Variants in KCNA6 observed in about 807,000 individuals in gnomAD.
KCNA6 encodes the protein potassium voltage-gated channel subfamily A member 6, also known as human brain potassium channel-2.
A neutral mutation model predicts 29.5 loss-of-function variants in KCNA6; 17 were observed. The ratio of observed to expected loss-of-function variants is 0.58; its 90% CI spans 0.39 to 0.86. The LOEUF is 0.86. KCNA6 is among the 40% of genes least tolerant of loss of function. KCNA6 has a pLI of 0.00. For synonymous variants in KCNA6, 296 were observed against 304.7 expected (o/e 0.97, Z 0.30); for missense variants, 450 against 703.4 (o/e 0.64, Z 4.07).
chr12:4,848,068 T>A, the KCNA6 span, among the ~76,000 whole-genome samples: 4 of 152,228 alleles, frequency 2.6e-5, no homozygotes, highest in East Asian at 7.7e-4. Context: ...CAGAGCCTTA[T>A]ATGGTGCCAG....
the KCNA6 span, among the ~76,000 whole-genome samples, chr12:4,850,147 G>C: frequency 1.3e-5 from 2 of 152,156 alleles, no homozygotes; most frequent in Non-Finnish European, 2.9e-5. This position sits in a 1 kb window ranked among gnomAD's most constrained non-coding sequence, Gnocchi z 5.4. Context: ...GGGTTCAGCC[G>C]GGCCTAGAGG....
the KCNA6 span, among the ~76,000 whole-genome samples, chr12:4,819,412 G>T: frequency 6.6e-6 from 1 of 152,188 alleles, no homozygotes; most frequent in African/African-American, 2.4e-5. Flanking sequence ...GGTCCTCACC[G>T]TCAGCATGCA....
the KCNA6 span, among the ~76,000 whole-genome samples, chr12:4,835,325 G>A: frequency 4.6e-5 from 7 of 151,828 alleles, no homozygotes; most frequent in East Asian, 1.9e-4. Flanking sequence ...TAGTAGAGAC[G>A]GGGTTTCACC....
the KCNA6 span, among the ~76,000 whole-genome samples, chr12:4,834,655 G>T: frequency 6.6e-6 from 1 of 152,136 alleles, no homozygotes; most frequent in Non-Finnish European, 1.5e-5. Context: ...AGGCAGCAAG[G>T]TACCACTTTA....
the KCNA6 span, among the ~76,000 whole-genome samples, chr12:4,830,113 T>C: frequency 6.6e-6 from 1 of 152,188 alleles, no homozygotes. Context: ...CTGCAGCCAC[T>C]CTTCCTGCTC....
chr12:4,836,105 A>ATTTT, the KCNA6 span, among the ~76,000 whole-genome samples: 12 of 137,298 alleles, frequency 8.7e-5, no homozygotes, highest in Admixed American at 3.0e-4. Flanking sequence ...ATGCCTGGCT[A>ATTTT]TTTTTTTTTT....
chr12:4,827,205 C>CTT, the KCNA6 span, among the ~76,000 whole-genome samples: 326 of 39,040 alleles, frequency 8.4e-3, 5 homozygotes, highest in African/African-American at 0.035. Flanking sequence ...TCCTTCCTTC[C>CTT]CTCCTTCCTT....
chr12:4,832,287 T>C, the KCNA6 span, among the ~76,000 whole-genome samples: 1 of 152,178 alleles, frequency 6.6e-6, no homozygotes, highest in African/African-American at 2.4e-5. Flanking sequence ...ACTTATTTTC[T>C]AGTCTTGTGA....
chr12:4,843,031 T>G, the KCNA6 span, among the ~76,000 whole-genome samples: 1 of 151,900 alleles, frequency 6.6e-6, no homozygotes, highest in Non-Finnish European at 1.5e-5. Context: ...CAATTGGAGG[T>G]GGTGGGATAG....
rs759052059 is a variant in KCNA6 at position 4,811,320 on chromosome 12, G to C, written c.1279G>C (p.Asp427His). 6.2e-7 allele frequency: 1 copy of C among 1,614,204 alleles called. No individual in the cohort carries two copies. Among genetic ancestry groups the C allele is most frequent in the Non-Finnish European group, 8.5e-7 (1 of 1,180,006 alleles). Residue 427 changes from aspartate (D) to histidine (H), a missense_variant, in exon 1 of 1, where the codon GAC becomes CAC. Asp to His is a moderately conservative substitution (Grantham distance 81, BLOSUM62 -1). This residue lies in a region of KCNA6 where 57 missense variants were observed against 140.3 expected (regional missense o/e 0.41). Coordinates refer to ENST00000280684, the Ensembl canonical transcript of KCNA6. This position sits in a 1 kb window ranked among gnomAD's most constrained non-coding sequence, Gnocchi z 7.1. Reference sequence around the variant, plus strand: ...TACAATGACCACGGTAGGTTACGGGGACATGTACCCCATGACTGTGGGGGG... The same window carrying C: ...TACAATGACCACGGTAGGTTACGGGCACATGTACCCCATGACTGTGGGGGG...
At chr12:4,849,489 CTT>C in the KCNA6 span, among the ~76,000 whole-genome samples, 553 of 101,396 alleles carry the variant, frequency 5.5e-3, 8 homozygotes, top group African/African-American at 9.5e-3. Context: ...GATTTTTGCT[CTT>C]TTTTTTTTTT....
At chr12:4,833,568 T>C in the KCNA6 span, among the ~76,000 whole-genome samples, 8 of 152,204 alleles carry the variant, frequency 5.3e-5, no homozygotes, top group African/African-American at 1.9e-4. Flanking sequence ...AGGTGGAGCA[T>C]TGGAAGCATT....
At chr12:4,850,771 T>C in the KCNA6 span, 1 of 453,444 alleles carries the variant, frequency 2.2e-6, no homozygotes, top group Admixed American at 2.4e-5. The surrounding 1 kb of genome is among the most constrained non-coding windows in gnomAD (Gnocchi z 5.4). Flanking sequence ...AGCAAGGACA[T>C]CTATGCATAG....
the KCNA6 span, among the ~76,000 whole-genome samples, chr12:4,835,880 A>G: frequency 1.3e-5 from 2 of 152,062 alleles, no homozygotes; most frequent in African/African-American, 4.8e-5. Flanking sequence ...GGTGCCCTTA[A>G]GGCAGGAAGC....
chr12:4,835,025 A>G, the KCNA6 span, among the ~76,000 whole-genome samples: 23,089 of 152,022 alleles, frequency 0.15, 1,855 homozygotes, highest in Non-Finnish European at 0.17. Context: ...TAACCAATGT[A>G]TTGGGTTCAA....
the KCNA6 span, among the ~76,000 whole-genome samples, chr12:4,847,455 T>C: frequency 1.3e-5 from 2 of 152,184 alleles, no homozygotes; most frequent in African/African-American, 2.4e-5. Context: ...TCTCTATTCT[T>C]TTCCATTTTA....
the KCNA6 span, among the ~76,000 whole-genome samples, chr12:4,836,929 C>G: frequency 6.6e-6 from 1 of 152,178 alleles, no homozygotes; most frequent in Non-Finnish European, 1.5e-5. Context: ...CATCCTGTTT[C>G]CTGGCATAGG....
chr12:4,821,866 C>T, the KCNA6 span, among the ~76,000 whole-genome samples: 37 of 152,140 alleles, frequency 2.4e-4, no homozygotes, highest in South Asian at 1.5e-3. Context: ...GATGGAGTTT[C>T]GCTCTTGTTT....
downstream of KCNA6, among the ~76,000 whole-genome samples, chr12:4,817,686 A>C (rs1174192048): frequency 6.6e-6 from 1 of 152,182 alleles, no homozygotes; most frequent in Non-Finnish European, 1.5e-5. Flanking sequence ...TATCATTCGC[A>C]CTGGTCTAAC....
Sources: gnomAD v4.1 joint callset for allele counts (sites outside exome capture counted in the v4.1 genomes callset) on GRCh38, gnomAD v4.1.1 for gene constraint, gnomAD v4.1.1 regional missense constraint, Gnocchi (gnomAD v3.1) non-coding constraint, MANE v1.5 for transcripts, NCBI Gene and HGNC (gene_info 2026-07-23, HGNC 2026-07-21) for gene names.